The following NTRK3 variants were observed in gnomAD, a reference collection of about 807,000 sequenced individuals.
NTRK3 encodes the protein NT-3 growth factor receptor.
Under a neutral mutation model 91.7 loss-of-function variants are expected in NTRK3, and 24 were observed. That is an observed-to-expected ratio of 0.26 (90% CI 0.19 to 0.37). NTRK3 has a LOEUF of 0.37. Among genes scored for constraint, NTRK3 ranks in the 10% least tolerant of loss-of-function variants. The pLI is 1.00. For synonymous variants in NTRK3, 483 were observed against 404.0 expected, an observed-to-expected ratio of 1.20 and a Z score of -2.34; for missense variants, 880 against 1,068.9, an observed-to-expected ratio of 0.82 and a Z score of 2.46.
intron 14 of NTRK3, among the ~76,000 whole-genome samples, chr15:87,990,370 A>C (rs1412584403): frequency 6.6e-6 from 1 of 152,206 alleles, no homozygotes; most frequent in African/African-American, 2.4e-5. Flanking sequence ...TCCAGAGCTA[A>C]ATTCCTGCCC....
intron 14 of NTRK3, among the ~76,000 whole-genome samples, chr15:87,965,936 G>A (rs459352): frequency 1.3e-5 from 2 of 152,052 alleles, no homozygotes; most frequent in African/African-American, 4.8e-5. Flanking sequence ...AAATCTGCCA[G>A]GTGTGGTGGC....
At chr15:88,136,307 A>G (rs1223206563) in intron 8 of NTRK3, among the ~76,000 whole-genome samples, 160 bp downstream of exon 8, 42 of 152,260 alleles carry the variant, frequency 2.8e-4, no homozygotes, top group Admixed American at 2.7e-3. Flanking sequence ...GTTGAGTAGC[A>G]TGTATAGAGC....
intron 14 of NTRK3, among the ~76,000 whole-genome samples, chr15:87,959,336 G>A (rs1041758710): frequency 2.6e-5 from 4 of 152,166 alleles, no homozygotes; most frequent in African/African-American, 7.2e-5. Context: ...ATAAGTATTC[G>A]TTAAATAGAT....
chr15:88,060,291 G>A (rs1221448340), intron 13 of NTRK3, among the ~76,000 whole-genome samples: 2 of 151,580 alleles, frequency 1.3e-5, no homozygotes, highest in East Asian at 3.9e-4. Context: ...GGCTGAGGCA[G>A]GAAACTCGCT....
At chr15:88,178,724 A>G (rs1319815977) in intron 5 of NTRK3, among the ~76,000 whole-genome samples, 1 of 152,246 alleles carries the variant, frequency 6.6e-6, no homozygotes, top group African/African-American at 2.4e-5. Flanking sequence ...ATGCTAAGAA[A>G]TCTTTCATAA....
intron 5 of NTRK3, among the ~76,000 whole-genome samples, chr15:88,167,105 T>C (rs935487122): frequency 6.6e-6 from 1 of 152,224 alleles, no homozygotes; most frequent in Non-Finnish European, 1.5e-5. Context: ...GTATTATCCA[T>C]ATAATCACCT....
chr15:87,975,797 A>G (rs1039372840), intron 14 of NTRK3, among the ~76,000 whole-genome samples: 1 of 151,694 alleles, frequency 6.6e-6, no homozygotes, highest in Non-Finnish European at 1.5e-5. Flanking sequence ...AGATGTTCCA[A>G]CTCTCCTTGG....
intron 17 of NTRK3, among the ~76,000 whole-genome samples, chr15:87,881,249 C>G (rs1286205741): frequency 6.6e-6 from 1 of 152,206 alleles, no homozygotes; most frequent in East Asian, 1.9e-4. Flanking sequence ...TGTGAAAACT[C>G]AGGAACTAAC....
intron 3 of NTRK3, among the ~76,000 whole-genome samples, chr15:88,220,602 G>T (rs1174223896): frequency 6.6e-6 from 1 of 152,202 alleles, no homozygotes; most frequent in Admixed American, 6.5e-5. Context: ...CCCAGCCCTG[G>T]AAGGCTCTTG....
intron 13 of NTRK3, among the ~76,000 whole-genome samples, chr15:88,083,350 G>A (rs906825393): frequency 2.0e-5 from 3 of 152,130 alleles, no homozygotes; most frequent in African/African-American, 2.4e-5. Context: ...CCTCTCTGGA[G>A]TAGCTGGGAT....
Position 87,890,694 on chromosome 15 carries a change from T to C in NTRK3, c.2134-10266A>G, listed in dbSNP as rs771253731. On this transcript the variant is annotated intron_variant, in intron 17 of 18. Transcript: ENST00000394480. The stretch of plus-strand genomic sequence containing the variant: ...TTTGGGAAATGAAATCCTATGCCTG[T>C]GTCTTCTCACATAACGCCAATAAAT... Among the ~76,000 whole-genome samples, 13 of 152,222 alleles carry C rather than the reference T, an allele frequency of 8.5e-5. 1 individual carries two copies. Among genetic ancestry groups the C allele is most frequent in the Non-Finnish European group, 1.3e-4 (9 of 68,022 alleles).
intron 3 of NTRK3, among the ~76,000 whole-genome samples, chr15:88,247,606 A>C (rs2052960513): frequency 6.6e-6 from 1 of 152,112 alleles, no homozygotes; most frequent in South Asian, 2.1e-4. Context: ...CATGACAGTG[A>C]CCCTACGGGG....
At chr15:87,900,078 C>T (rs528890930) in intron 17 of NTRK3, among the ~76,000 whole-genome samples, 4 of 152,146 alleles carry the variant, frequency 2.6e-5, no homozygotes, top group Admixed American at 6.5e-5. Context: ...AGACATGAAA[C>T]AGTTGATAAA....
chr15:88,056,074 T>C (rs1311675448), intron 13 of NTRK3, among the ~76,000 whole-genome samples: 1 of 151,754 alleles, frequency 6.6e-6, no homozygotes, highest in East Asian at 1.9e-4. Context: ...CAAAGGAGCA[T>C]GGCAGGCCCC....
intron 17 of NTRK3, among the ~76,000 whole-genome samples, chr15:87,895,033 T>C (rs561986552): frequency 6.6e-6 from 1 of 152,310 alleles, no homozygotes; most frequent in Non-Finnish European, 1.5e-5. Context: ...ACCCTGTAAC[T>C]GTACCTTGTC....
chr15:88,132,201 T>C, intron 10 of NTRK3: 1 of 176,516 alleles, frequency 5.7e-6, no homozygotes, highest in Non-Finnish European at 1.2e-5. Context: ...ACTTACTAGG[T>C]TGACCAGAAA....
intron 3 of NTRK3, among the ~76,000 whole-genome samples, chr15:88,201,985 G>A (rs981234223): frequency 6.6e-6 from 1 of 151,512 alleles, no homozygotes; most frequent in Non-Finnish European, 1.5e-5. Context: ...CATAGATGGT[G>A]CCCTTCCAAC....
intron 17 of NTRK3, among the ~76,000 whole-genome samples, chr15:87,881,406 C>CTTATTTAT (rs61208268): frequency 0.089 from 13,296 of 149,182 alleles, 706 homozygotes; most frequent in East Asian, 0.23. Context: ...TTCCTTCTTT[C>CTTATTTAT]TTATTTATTT....
intron 17 of NTRK3, among the ~76,000 whole-genome samples, chr15:87,890,730 G>A (rs2065813882): frequency 6.6e-6 from 1 of 152,042 alleles, no homozygotes; most frequent in South Asian, 2.1e-4. Flanking sequence ...AGTCTTCATA[G>A]CATCCTTGCT....
Sources: gnomAD v4.1 joint callset for allele counts (sites outside exome capture counted in the v4.1 genomes callset) on GRCh38, gnomAD v4.1.1 for gene constraint, MANE v1.5 for transcripts, NCBI Gene and HGNC (gene_info 2026-07-23, HGNC 2026-07-21) for gene names.